CADPS2: variants seen among roughly 807,000 people sequenced by gnomAD.
CADPS2 encodes the protein calcium dependent secretion activator 2, also known as calcium-dependent secretion activator 2.
A neutral mutation model predicts 172.5 loss-of-function variants in CADPS2; 93 were observed. The observed-to-expected ratio is 0.54, with a 90% CI of 0.46 to 0.64. The LOEUF (loss-of-function observed/expected upper bound fraction) is 0.64. CADPS2 is among the 30% of genes least tolerant of loss of function. CADPS2 has a pLI of 0.00. For synonymous variants in CADPS2, 546 were observed against 555.2 expected, an observed-to-expected ratio of 0.98 and a Z score of 0.23; for missense variants, 1,420 against 1,565.9, an observed-to-expected ratio of 0.91 and a Z score of 1.57.
At chr7:122,553,702 T>C (rs901517090) in intron 8 of CADPS2, among the ~76,000 whole-genome samples, 2 of 152,152 alleles carry the variant, frequency 1.3e-5, no homozygotes, top group African/African-American at 2.4e-5. Flanking sequence ...TGGGCCCTAA[T>C]GCCAGCAGAC....
At chr7:122,611,291 T>C (rs1011697832) in intron 6 of CADPS2, among the ~76,000 whole-genome samples, 1 of 151,526 alleles carries the variant, frequency 6.6e-6, no homozygotes, top group African/African-American at 2.4e-5. Flanking sequence ...AGTCTTTTAA[T>C]GGACAAACTT....
At chr7:122,552,769 G>T (rs1261057344) in intron 8 of CADPS2, among the ~76,000 whole-genome samples, 1 of 115,896 alleles carries the variant, frequency 8.6e-6, no homozygotes, top group Non-Finnish European at 1.8e-5. Context: ...ACTATGATAG[G>T]TTCCTGTTTT....
At chr7:122,755,980 C>T (rs530462612) in intron 1 of CADPS2, among the ~76,000 whole-genome samples, 5 of 152,288 alleles carry the variant, frequency 3.3e-5, no homozygotes, top group Non-Finnish European at 5.9e-5. Flanking sequence ...CTGTTTTCAG[C>T]TTTTATGTGA....
At chr7:122,645,445 A>G (rs1250114079) in intron 3 of CADPS2, among the ~76,000 whole-genome samples, 5 of 97,502 alleles carry the variant, frequency 5.1e-5, no homozygotes, top group African/African-American at 3.6e-5. Context: ...GTATATATAC[A>G]CACACATATG....
intron 7 of CADPS2, among the ~76,000 whole-genome samples, chr7:122,574,905 G>A (rs1009080199): frequency 5.3e-5 from 8 of 151,962 alleles, no homozygotes; most frequent in African/African-American, 1.9e-4. Flanking sequence ...ATATCTTTAC[G>A]ATGGAGAGAA....
At chr7:122,684,654 C>T (rs1167951763) in intron 2 of CADPS2, among the ~76,000 whole-genome samples, 1 of 151,910 alleles carries the variant, frequency 6.6e-6, no homozygotes, top group Non-Finnish European at 1.5e-5. Flanking sequence ...TAAAATACCT[C>T]AAAAAAACCT....
rs554158096 is a variant in CADPS2, at chr7:122,427,917, C to G, written c.2476+10424G>C. 2.0e-5 allele frequency among the ~76,000 whole-genome samples: 3 copies of G among 152,258 alleles called. 1 individual carries two copies. The South Asian group carries it at 6.2e-4, about 32-fold the overall frequency. ...CTCCTAGGTCATGGAATAGCTCTATCTCTATCTAGATTACTTTCTATGACT... is the reference window on the plus strand; with the variant it reads ...CTCCTAGGTCATGGAATAGCTCTATGTCTATCTAGATTACTTTCTATGACT... On this transcript the variant is annotated intron_variant, in intron 17 of 29. Coordinates refer to ENST00000449022, the MANE Select transcript of CADPS2 (RefSeq NM_017954.11).
At chr7:122,577,332 T>C (rs927771454) in intron 7 of CADPS2, among the ~76,000 whole-genome samples, 1 of 152,118 alleles carries the variant, frequency 6.6e-6, no homozygotes, top group African/African-American at 2.4e-5. Flanking sequence ...TGTGTACCCC[T>C]TTCTGGCTGA....
chr7:122,779,274 C>A (rs1266120500), intron 1 of CADPS2, among the ~76,000 whole-genome samples: 1 of 152,168 alleles, frequency 6.6e-6, no homozygotes, highest in African/African-American at 2.4e-5. Context: ...TTTGTTCCCA[C>A]ACTTTAGGTG....
intron 8 of CADPS2, among the ~76,000 whole-genome samples, chr7:122,514,510 G>A (rs1364462572): frequency 2.0e-5 from 3 of 151,968 alleles, no homozygotes; most frequent in Admixed American, 6.6e-5. Flanking sequence ...CAGTGACATA[G>A]GGAGTTGGCT....
At chr7:122,742,660 G>T (rs2092546896) in intron 1 of CADPS2, among the ~76,000 whole-genome samples, 1 of 152,120 alleles carries the variant, frequency 6.6e-6, no homozygotes. Context: ...CACATCTACT[G>T]ACTTACATTG....
intron 1 of CADPS2, among the ~76,000 whole-genome samples, chr7:122,775,542 C>T (rs1158964839): frequency 6.6e-6 from 1 of 152,200 alleles, no homozygotes; most frequent in East Asian, 1.9e-4. Flanking sequence ...AGAAAGGCAA[C>T]ATATTTATTT....
chr7:122,859,238 GT>G, intron 1 of CADPS2, among the ~76,000 whole-genome samples: 1 of 152,212 alleles, frequency 6.6e-6, no homozygotes, highest in Non-Finnish European at 1.5e-5. Flanking sequence ...TTTCTTAAAA[GT>G]TTAAAGTTTT....
At chr7:122,702,295 C>T (rs147169344) in intron 2 of CADPS2, 87 of 1,613,768 alleles carry the variant, frequency 5.4e-5, no homozygotes, top group African/African-American at 1.7e-4. Flanking sequence ...TTATCATCAC[C>T]GCGACTATAT....
chr7:122,799,287 A>C (rs1295826761), intron 1 of CADPS2, among the ~76,000 whole-genome samples: 3 of 152,184 alleles, frequency 2.0e-5, no homozygotes, highest in Non-Finnish European at 4.4e-5. Context: ...GAGAAGACAG[A>C]AGCATATTTT....
At chr7:122,393,898 G>A (rs2044723428) in intron 20 of CADPS2, among the ~76,000 whole-genome samples, 1 of 152,080 alleles carries the variant, frequency 6.6e-6, no homozygotes. Context: ...AAATTCAAGG[G>A]AGCTGCCAGC....
intron 6 of CADPS2, among the ~76,000 whole-genome samples, chr7:122,600,055 A>T (rs747513516): frequency 3.3e-5 from 5 of 152,134 alleles, no homozygotes; most frequent in African/African-American, 1.2e-4. Flanking sequence ...ATTTTGATCA[A>T]CTTAAAGGAA....
chr7:122,429,476 C>G (rs1337709175), intron 17 of CADPS2, among the ~76,000 whole-genome samples: 1 of 151,712 alleles, frequency 6.6e-6, no homozygotes, highest in Non-Finnish European at 1.5e-5. Flanking sequence ...TGTTTTAAAG[C>G]AAACAATTTG....
At chr7:122,796,150 G>T (rs1796325675) in intron 1 of CADPS2, among the ~76,000 whole-genome samples, 1 of 152,016 alleles carries the variant, frequency 6.6e-6, no homozygotes, top group Non-Finnish European at 1.5e-5. Flanking sequence ...AATACAACTA[G>T]CCAGGGAGGT....
Sources: allele counts gnomAD v4.1 joint callset (sites outside exome capture counted in the v4.1 genomes callset), GRCh38; gene constraint gnomAD v4.1.1; transcripts MANE v1.5; gene names NCBI Gene and HGNC (gene_info 2026-07-23, HGNC 2026-07-21).